TSPAN12: variants seen among roughly 807,000 people sequenced by gnomAD.
The protein encoded by TSPAN12 is tetraspanin-12.
In TSPAN12, 19 loss-of-function variants were observed where a neutral mutation model predicts 39.2. The observed-to-expected ratio is 0.49, with a 90% CI of 0.34 to 0.71. The LOEUF is 0.71. Ranked by LOEUF, TSPAN12 falls within the 30% of genes least tolerant of loss-of-function variation. The pLI, the probability that TSPAN12 is intolerant of heterozygous loss-of-function variation, is 0.01. For synonymous variants in TSPAN12, 119 were observed against 124.8 expected, an observed-to-expected ratio of 0.95 and a Z score of 0.31; for missense variants, 314 against 359.9, an observed-to-expected ratio of 0.87 and a Z score of 1.03.
chr7:120,817,665 C>T (rs1238422547), intron 4 of TSPAN12, among the ~76,000 whole-genome samples: 2 of 152,104 alleles, frequency 1.3e-5, no homozygotes, highest in Admixed American at 6.6e-5. Context: ...TCATACCTTG[C>T]CCAGTTGTGG....
At chr7:120,835,643 G>A (rs983344908) in intron 4 of TSPAN12, among the ~76,000 whole-genome samples, 8 of 152,094 alleles carry the variant, frequency 5.3e-5, no homozygotes, top group African/African-American at 1.9e-4. Context: ...TCAGCAGAGA[G>A]GATAAAATTG....
chr7:120,801,852 C>A (rs1464490188), intron 7 of TSPAN12, among the ~76,000 whole-genome samples: 1 of 152,016 alleles, frequency 6.6e-6, no homozygotes, highest in Non-Finnish European at 1.5e-5. Context: ...ACATATGGAA[C>A]CCCAAGAAGA....
chr7:120,823,684 C>T (rs965656210), intron 4 of TSPAN12, among the ~76,000 whole-genome samples: 1 of 152,114 alleles, frequency 6.6e-6, no homozygotes, highest in Non-Finnish European at 1.5e-5. Flanking sequence ...AGAAGAGTTA[C>T]ATAAATATAT....
chr7:120,837,839 G>A (rs1562950616), intron 4 of TSPAN12, among the ~76,000 whole-genome samples: 1 of 152,172 alleles, frequency 6.6e-6, no homozygotes, highest in Non-Finnish European at 1.5e-5. Context: ...TCTGTCCCCA[G>A]TTCCACATTC....
chr7:120,815,447 T>C (rs1794061190), intron 5 of TSPAN12, among the ~76,000 whole-genome samples: 1 of 152,106 alleles, frequency 6.6e-6, no homozygotes, highest in Admixed American at 6.6e-5. Context: ...GTGGGTGAGT[T>C]CCCAAGAGAT....
At chr7:120,824,485 G>A (rs1385590258) in intron 4 of TSPAN12, among the ~76,000 whole-genome samples, 3 of 151,848 alleles carry the variant, frequency 2.0e-5, no homozygotes, top group African/African-American at 7.3e-5. Flanking sequence ...TCAAATCAGT[G>A]TGAGTTGAAC....
chr7:120,809,964 A>T (rs1403640168), intron 6 of TSPAN12, among the ~76,000 whole-genome samples: 2 of 152,182 alleles, frequency 1.3e-5, no homozygotes, highest in Admixed American at 6.5e-5. Context: ...GGAGTTATGT[A>T]AATTATAGAA....
intron 4 of TSPAN12, among the ~76,000 whole-genome samples, chr7:120,832,465 T>C (rs1018758038): frequency 6.6e-6 from 1 of 152,098 alleles, no homozygotes; most frequent in Non-Finnish European, 1.5e-5. Context: ...TCAGTGTTTA[T>C]ACACACTCTT....
At chr7:120,846,317 G>A (rs984257169) in intron 2 of TSPAN12, among the ~76,000 whole-genome samples, 3 of 152,262 alleles carry the variant, frequency 2.0e-5, no homozygotes, top group East Asian at 1.9e-4. Context: ...TTATTTTACA[G>A]TTATAAAAAA....
rs371190176 is a variant in TSPAN12, at chr7:120,803,334, T to C, written c.612+3215A>G. Among the ~76,000 whole-genome samples, 7 of 152,186 alleles carry C rather than the reference T, an allele frequency of 4.6e-5. No individual in the cohort carries two copies. In the East Asian group the frequency reaches 1.2e-3, roughly 25 times the overall value. ...TCTCAACTATCTCCCTTCAGTGCTC[T>C]CAACTTCTGAATAAACATCCCAAAT... is the stretch of plus-strand genomic sequence containing the variant. On this transcript the variant is annotated intron_variant, in intron 7 of 7. Coordinates refer to ENST00000222747, the MANE Select transcript of TSPAN12 (RefSeq NM_012338.4).
At chr7:120,818,591 A>T (rs1794129223) in intron 4 of TSPAN12, among the ~76,000 whole-genome samples, 1 of 152,092 alleles carries the variant, frequency 6.6e-6, no homozygotes, top group Admixed American at 6.6e-5. Context: ...AAAAATATAA[A>T]TCATTACTAT....
At chr7:120,848,292 C>T (rs771170226) in intron 2 of TSPAN12, among the ~76,000 whole-genome samples, 1 of 152,118 alleles carries the variant, frequency 6.6e-6, no homozygotes, top group Non-Finnish European at 1.5e-5. Flanking sequence ...TGTTTCTGTC[C>T]CTCCATCTCA....
chr7:120,821,741 C>T (rs1470755924), intron 4 of TSPAN12, among the ~76,000 whole-genome samples: 1 of 152,160 alleles, frequency 6.6e-6, no homozygotes, highest in Non-Finnish European at 1.5e-5. Flanking sequence ...ATACTTACCA[C>T]TCTACCTGGC....
chr7:120,851,396 T>C (rs960890963), intron 2 of TSPAN12, among the ~76,000 whole-genome samples: 8 of 152,236 alleles, frequency 5.3e-5, no homozygotes, highest in African/African-American at 1.9e-4. Flanking sequence ...TTCTTCTCTA[T>C]TGCTATTATC....
intron 2 of TSPAN12, among the ~76,000 whole-genome samples, chr7:120,849,135 CT>C: frequency 6.6e-6 from 1 of 152,178 alleles, no homozygotes; most frequent in East Asian, 1.9e-4. Flanking sequence ...AACATGTTAC[CT>C]GAAGCTCAAG....
chr7:120,799,451 A>G (rs1449966353), intron 7 of TSPAN12, among the ~76,000 whole-genome samples: 1 of 136,468 alleles, frequency 7.3e-6, no homozygotes, highest in Non-Finnish European at 1.5e-5. Context: ...TTTAATTTAT[A>G]TATAATTTAA....
At chr7:120,817,288 C>T (rs1163041396) in intron 4 of TSPAN12, among the ~76,000 whole-genome samples, 1 of 151,768 alleles carries the variant, frequency 6.6e-6, no homozygotes, top group Non-Finnish European at 1.5e-5. Context: ...CTTTGGGAGG[C>T]TGAGGTGGGA....
intron 7 of TSPAN12, among the ~76,000 whole-genome samples, chr7:120,796,599 A>G (rs1286200600): frequency 2.0e-5 from 3 of 151,712 alleles, no homozygotes; most frequent in African/African-American, 7.3e-5. Flanking sequence ...GATGTAGAAG[A>G]AAAAAATCTC....
At chr7:120,831,859 T>C (rs1273088826) in intron 4 of TSPAN12, among the ~76,000 whole-genome samples, 3 of 152,062 alleles carry the variant, frequency 2.0e-5, no homozygotes, top group African/African-American at 4.8e-5. Flanking sequence ...GTGGATATGT[T>C]AATTAGCTTC....
Sources: gnomAD v4.1 joint callset for allele counts (sites outside exome capture counted in the v4.1 genomes callset) on GRCh38, gnomAD v4.1.1 for gene constraint, MANE v1.5 for transcripts, NCBI Gene and HGNC (gene_info 2026-07-23, HGNC 2026-07-21) for gene names.